KLHL14: variants seen among roughly 807,000 people sequenced by gnomAD.
KLHL14 encodes kelch-like protein 14.
In KLHL14, 22 loss-of-function variants were observed where a neutral mutation model predicts 64.3. That is an observed-to-expected ratio of 0.34 (90% confidence interval 0.24 to 0.49). The LOEUF (loss-of-function observed/expected upper bound fraction) is 0.49. KLHL14 is among the 20% of genes least tolerant of loss of function. The pLI is 0.99. For synonymous variants in KLHL14, 322 were observed against 333.4 expected (o/e 0.97, Z 0.37); for missense variants, 661 against 789.0 (o/e 0.84, Z 1.94).
chr18:32,679,693 TC>T (rs1295447385), intron 7 of KLHL14, among the ~76,000 whole-genome samples: 1 of 152,152 alleles, frequency 6.6e-6, no homozygotes, highest in Admixed American at 6.5e-5. Flanking sequence ...GCTATTGAAT[TC>T]TTAAAAAAAT....
rs760144958 is a variant in KLHL14, at chr18:32,770,369, G to A, written c.223C>T (p.Gln75Ter). The A allele has an allele frequency of 6.3e-7, 1 of 1,588,272 alleles. No individual in the cohort carries two copies. The highest frequency in any genetic ancestry group is 1.7e-5 in the Admixed American group (1 of 57,956). ...TCCTTGGGGGCCCCCAGGCCGTCCT[G>A]GCCGCCGACCCCTCCCCCGAGAGGG... ...HPPLGGGVGG[Q>*]DGLGAPKDQQ... is the part of the protein sequence containing the mutation. The change falls in exon 2 of 9, where the codon CAG becomes TAG. Residue 75 changes from glutamine to a stop codon, truncating the protein, a stop_gained. Transcript: ENST00000359358. LOFTEE classifies it high-confidence loss of function. The surrounding 1 kb of genome is among the most constrained non-coding windows in gnomAD (Gnocchi z 6.7).
At chr18:32,682,521 C>A (rs2049845908) in intron 5 of KLHL14, among the ~76,000 whole-genome samples, 1 of 152,178 alleles carries the variant, frequency 6.6e-6, no homozygotes, top group African/African-American at 2.4e-5. Flanking sequence ...TGCACATGTG[C>A]ATTTTTTGGA....
chr18:32,700,654 C>G (rs2049961533), intron 3 of KLHL14, among the ~76,000 whole-genome samples: 1 of 152,134 alleles, frequency 6.6e-6, no homozygotes, highest in Non-Finnish European at 1.5e-5. Context: ...CTATGCTAGG[C>G]AATGTTGTAC....
intron 2 of KLHL14, among the ~76,000 whole-genome samples, chr18:32,757,106 C>G (rs2050286086): frequency 6.6e-6 from 1 of 152,126 alleles, no homozygotes; most frequent in African/African-American, 2.4e-5. Flanking sequence ...TTTGATTGTT[C>G]ATGAAGATAC....
chr18:32,764,592 T>C (rs1598581367), intron 2 of KLHL14, among the ~76,000 whole-genome samples: 2 of 152,192 alleles, frequency 1.3e-5, no homozygotes, highest in East Asian at 3.8e-4. Flanking sequence ...TATATTTTTG[T>C]ATAGCCTGAA....
At chr18:32,693,794 C>G (rs1469944799) in intron 4 of KLHL14, among the ~76,000 whole-genome samples, 1 of 152,060 alleles carries the variant, frequency 6.6e-6, no homozygotes, top group African/African-American at 2.4e-5. Flanking sequence ...AAGAGAAAAT[C>G]AGTGTAATCC....
chr18:32,717,683 G>A (rs908628278), intron 3 of KLHL14, among the ~76,000 whole-genome samples: 12 of 151,870 alleles, frequency 7.9e-5, no homozygotes, highest in East Asian at 3.9e-4. Context: ...CTCTTTTCTC[G>A]TCTGTCATAT....
chr18:32,706,970 T>A (rs1022914998), intron 3 of KLHL14, among the ~76,000 whole-genome samples: 1 of 152,046 alleles, frequency 6.6e-6, no homozygotes, highest in African/African-American at 2.4e-5. Flanking sequence ...CTGGGTTTGG[T>A]GGGGCAATGG....
At chr18:32,728,701 C>T (rs1384594038) in intron 3 of KLHL14, among the ~76,000 whole-genome samples, 1 of 152,054 alleles carries the variant, frequency 6.6e-6, no homozygotes, top group Admixed American at 6.5e-5. Context: ...AAAAAGGATG[C>T]ATTTTTGCCC....
At chr18:32,699,724 A>G (rs1285620055) in intron 3 of KLHL14, among the ~76,000 whole-genome samples, 3 of 152,146 alleles carry the variant, frequency 2.0e-5, no homozygotes, top group African/African-American at 4.8e-5. Context: ...ATAATTTTTT[A>G]TATTGAATCA....
Position 32,683,345 on chromosome 18 carries a change from T to G in KLHL14, c.1239-2746A>C, listed in dbSNP as rs927417593. On this transcript the variant is annotated intron_variant, in intron 5 of 8. Transcript: ENST00000359358. This position sits in a 1 kb window ranked among gnomAD's most constrained non-coding sequence, Gnocchi z 4.2. ...GTAGAAATTCCAATAGTAAAGATTCTGAGTCTTTGACTTATTCCCTTGCAT... is the reference window on the plus strand; with the variant it reads ...GTAGAAATTCCAATAGTAAAGATTCGGAGTCTTTGACTTATTCCCTTGCAT... Among the ~76,000 whole-genome samples the G allele has an allele frequency of 4.6e-5, 7 of 152,126 alleles. No individual in the cohort carries two copies.
At chr18:32,729,586 A>T (rs1045943117) in intron 3 of KLHL14, among the ~76,000 whole-genome samples, 2 of 152,236 alleles carry the variant, frequency 1.3e-5, no homozygotes, top group South Asian at 2.1e-4. Flanking sequence ...TCATAATATC[A>T]TTGGTTTTAG....
rs866117481 is a variant in KLHL14 at position 32,688,942 on chromosome 18, G to A, written c.1160-1709C>T. Among the ~76,000 whole-genome samples, 10 of 152,268 alleles carry A rather than the reference G, an allele frequency of 6.6e-5. No individual in the cohort carries two copies. In the South Asian group the frequency reaches 1.9e-3, roughly 28 times the overall value. On this transcript the variant is annotated intron_variant, in intron 4 of 8. Transcript: ENST00000359358. ...TGAGAAATGGTTGAGTTTTAAATCT[G>A]TTGTGCAGGCATAGCCAAATAAAAT...
intron 3 of KLHL14, among the ~76,000 whole-genome samples, chr18:32,724,519 C>T (rs766351136): frequency 2.0e-4 from 30 of 152,168 alleles, no homozygotes; most frequent in Non-Finnish European, 2.6e-4. Flanking sequence ...AAGCCAGTTG[C>T]TTGGGCTCCA....
At chr18:32,753,408 C>T (rs1487528006) in intron 2 of KLHL14, among the ~76,000 whole-genome samples, 3 of 151,970 alleles carry the variant, frequency 2.0e-5, no homozygotes, top group East Asian at 1.9e-4. Flanking sequence ...TCTCATCCCG[C>T]CCCTTCACTT....
chr18:32,680,493 T>G lies in KLHL14; in HGVS notation c.1345A>C (p.Asn449His). 2 of 1,613,994 alleles carry G rather than the reference T, an allele frequency of 1.2e-6. No individual in the cohort carries two copies. The highest frequency in any genetic ancestry group is 2.2e-5 in the South Asian group (2 of 91,084). ...AAAGAGGACACATAGCGCCATTCAT[T>G]CGTTTCTAGGTTATAGCACTCCACG... ...SSVECYNLET[N>H]EWRYVSSLPQ... The change falls in exon 6 of 9, where the codon AAT (asparagine) becomes CAT (histidine). Residue 449 changes from asparagine (N) to histidine (H), a missense_variant. Physicochemically the swap from Asn to His is moderately conservative, Grantham distance 68. Transcript: ENST00000359358. This position sits in a 1 kb window ranked among gnomAD's most constrained non-coding sequence, Gnocchi z 4.8.
At chr18:32,697,346 G>A (rs1181605891) in intron 3 of KLHL14, among the ~76,000 whole-genome samples, 1 of 152,058 alleles carries the variant, frequency 6.6e-6, no homozygotes, top group South Asian at 2.1e-4. Flanking sequence ...GTCATATTAC[G>A]AACAACCTGG....
Position 32,680,571 on chromosome 18 carries a change from C to G in KLHL14, c.1267G>C (p.Asp423His). The change falls in exon 6 of 9, where the codon GAC (aspartate) becomes CAC (histidine). Residue 423 changes from aspartate to histidine, a missense_variant. Around this residue, in one of 2 missense-constraint regions of KLHL14, gnomAD observed 330 missense variants for 450.0 expected, o/e 0.73. Transcript: ENST00000359358. The surrounding 1 kb of genome is among the most constrained non-coding windows in gnomAD (Gnocchi z 4.8). Reference sequence around the variant, plus strand: ...CCACCAATTACGTATAAATGCTTGTCCAACCGACATGCATAGAAACTGGCT... The same window carrying G: ...CCACCAATTACGTATAAATGCTTGTGCAACCGACATGCATAGAAACTGGCT... ...RRASFYACRL[D>H]KHLYVIGGRN... 6.2e-7 allele frequency: 1 copy of G among 1,612,686 alleles called. No individual in the cohort carries two copies. The highest frequency in any genetic ancestry group is 1.1e-5 in the South Asian group (1 of 91,004).
intron 3 of KLHL14, among the ~76,000 whole-genome samples, chr18:32,711,746 C>T (rs9963370): frequency 6.6e-6 from 1 of 151,898 alleles, no homozygotes; most frequent in Non-Finnish European, 1.5e-5. Context: ...TATCTTTATT[C>T]CCTCCTGATT....
Sources: allele counts gnomAD v4.1 joint callset (sites outside exome capture counted in the v4.1 genomes callset), GRCh38; gene constraint gnomAD v4.1.1; regional missense constraint gnomAD v4.1.1; non-coding constraint Gnocchi (gnomAD v3.1); transcripts MANE v1.5; gene names NCBI Gene and HGNC (gene_info 2026-07-23, HGNC 2026-07-21).